CSMD1: variants seen among roughly 807,000 people sequenced by gnomAD.
The protein encoded by CSMD1 is CUB and sushi domain-containing protein 1.
CSMD1 carries 213 observed loss-of-function variants against 417.5 expected under a neutral mutation model. The ratio of observed to expected loss-of-function variants is 0.51; its 90% CI spans 0.46 to 0.57. The LOEUF is 0.57. Ranked by LOEUF, CSMD1 falls within the 20% of genes least tolerant of loss-of-function variation. The pLI is 0.00. For missense variants in CSMD1, 6,923 were observed against 4,529.7 expected, an observed-to-expected ratio of 1.53 and a Z score of -15.17; for synonymous variants, 2,862 against 1,736.8, an observed-to-expected ratio of 1.65 and a Z score of -16.11.
intron 29 of CSMD1, among the ~76,000 whole-genome samples, chr8:3,215,680 C>G (rs538425800): frequency 1.3e-5 from 2 of 152,048 alleles, no homozygotes; most frequent in African/African-American, 2.4e-5. Flanking sequence ...TTCTGGTAGC[C>G]TTAATATTTT....
intron 5 of CSMD1, among the ~76,000 whole-genome samples, chr8:3,919,788 T>G (rs953273628): frequency 6.6e-6 from 1 of 152,128 alleles, no homozygotes; most frequent in Non-Finnish European, 1.5e-5. Flanking sequence ...TTCCATTTGT[T>G]TGTGTTTTCA....
At chr8:2,951,445 A>G (rs1457017888) in intron 65 of CSMD1, among the ~76,000 whole-genome samples, 170 bp from the exon 66 acceptor site, 2 of 152,210 alleles carry the variant, frequency 1.3e-5, no homozygotes, top group African/African-American at 2.4e-5. Context: ...GCAAAACTCA[A>G]AAGAAGCAGG....
chr8:4,947,153 T>A (rs866972735), intron 1 of CSMD1, among the ~76,000 whole-genome samples: 1 of 152,184 alleles, frequency 6.6e-6, no homozygotes, highest in Non-Finnish European at 1.5e-5. Context: ...TAACACAAAT[T>A]CACAACAAAA....
intron 1 of CSMD1, among the ~76,000 whole-genome samples, chr8:4,937,746 A>T (rs1216898439): frequency 6.6e-6 from 1 of 152,002 alleles, no homozygotes; most frequent in Non-Finnish European, 1.5e-5. Context: ...GATAAGTGTG[A>T]TCTGATCTAG....
intron 5 of CSMD1, among the ~76,000 whole-genome samples, chr8:3,872,746 A>C (rs1414443412): frequency 2.0e-5 from 3 of 152,126 alleles, no homozygotes; most frequent in Non-Finnish European, 4.4e-5. Context: ...TAACCTTCAA[A>C]ACCGGAGAAA....
intron 18 of CSMD1, among the ~76,000 whole-genome samples, chr8:3,374,010 T>C (rs1011040786): frequency 6.6e-6 from 1 of 150,560 alleles, no homozygotes; most frequent in African/African-American, 2.4e-5. Flanking sequence ...TGGAGTGCAG[T>C]GGTGAGATCT....
intron 3 of CSMD1, among the ~76,000 whole-genome samples, chr8:4,378,791 G>C (rs1290192582): frequency 6.6e-6 from 1 of 152,164 alleles, no homozygotes; most frequent in African/African-American, 2.4e-5. Context: ...TACTGCCCTT[G>C]TAAGACGTCA....
At chr8:4,850,038 G>A (rs1020070476) in intron 1 of CSMD1, among the ~76,000 whole-genome samples, 3 of 152,110 alleles carry the variant, frequency 2.0e-5, no homozygotes, top group African/African-American at 4.8e-5. Context: ...TGTTACGTAC[G>A]TACTATACTT....
chr8:4,529,873 GT>G lies in CSMD1; in HGVS notation c.302+107468del, dbSNP rs767812787. ...GGTTGCTGCCCATGCTGCTGCCATT[GT>G]TTTTTTTTTTTAAATTTATTTAATT... On this transcript the variant is annotated intron_variant, in intron 2 of 69. Transcript: ENST00000635120. Among the ~76,000 whole-genome samples the G allele has an allele frequency of 5.7e-3, 780 of 136,056 alleles. 6 individuals are homozygous for G. The highest frequency in any genetic ancestry group is 0.019 in the African/African-American group (638 of 33,312). 89.3% of individuals were successfully genotyped at this position (136,056 alleles called of 152,430 possible). A position where few individuals can be genotyped will look rare whatever the true frequency, so the allele number is the denominator to read the frequency against.
chr8:4,425,879 C>T (rs146661879), intron 2 of CSMD1, among the ~76,000 whole-genome samples: 5 of 151,938 alleles, frequency 3.3e-5, no homozygotes, highest in Non-Finnish European at 7.4e-5. Context: ...AATATTTCAA[C>T]AAAATATGAC....
chr8:4,777,694 T>C (rs1368184074), intron 1 of CSMD1, among the ~76,000 whole-genome samples: 1 of 152,172 alleles, frequency 6.6e-6, no homozygotes, highest in Non-Finnish European at 1.5e-5. Flanking sequence ...AAAACAATGG[T>C]GAAACTGCAA....
intron 5 of CSMD1, among the ~76,000 whole-genome samples, chr8:3,795,815 T>A (rs1295879795): frequency 1.9e-5 from 1 of 52,450 alleles, no homozygotes; most frequent in African/African-American, 8.6e-5. Flanking sequence ...CATGTACAGA[T>A]ATAGATATAT....
At chr8:3,215,659 T>C (rs1164737238) in intron 29 of CSMD1, among the ~76,000 whole-genome samples, 1 of 152,222 alleles carries the variant, frequency 6.6e-6, no homozygotes, top group Non-Finnish European at 1.5e-5. Context: ...CTGCAGTCAA[T>C]TTCAGTTATC....
At chr8:3,177,197 A>G (rs1379157661) in intron 37 of CSMD1, among the ~76,000 whole-genome samples, 2 of 152,126 alleles carry the variant, frequency 1.3e-5, no homozygotes, top group African/African-American at 4.8e-5. Flanking sequence ...ATAAACACCA[A>G]CTGTCGCAAG....
At chr8:3,503,946 G>C (rs923304323) in intron 10 of CSMD1, among the ~76,000 whole-genome samples, 6 of 152,150 alleles carry the variant, frequency 3.9e-5, no homozygotes, top group African/African-American at 1.2e-4. Context: ...GGAGGCGGGG[G>C]TTAGGGCGTG....
intron 1 of CSMD1, among the ~76,000 whole-genome samples, chr8:4,850,380 ATCT>A (rs1801395293): frequency 1.2e-5 from 1 of 82,770 alleles, no homozygotes; most frequent in Non-Finnish European, 2.3e-5. Context: ...AATCCAATTT[ATCT>A]TTTTTTTTTT....
chr8:3,479,499 T>G (rs1019049060), intron 11 of CSMD1, among the ~76,000 whole-genome samples: 1 of 152,160 alleles, frequency 6.6e-6, no homozygotes, highest in Non-Finnish European at 1.5e-5. Context: ...ATGCTAGTCT[T>G]GAACTCCCGA....
chr8:3,353,302 T>A (rs1808535533), intron 21 of CSMD1, among the ~76,000 whole-genome samples: 1 of 152,188 alleles, frequency 6.6e-6, no homozygotes. Flanking sequence ...CTGACTTAAT[T>A]CCGTTTTCAA....
chr8:4,898,462 G>T (rs1004171146), intron 1 of CSMD1, among the ~76,000 whole-genome samples: 1 of 151,590 alleles, frequency 6.6e-6, no homozygotes, highest in African/African-American at 2.4e-5. Flanking sequence ...GAAAGTGTAA[G>T]TGAGAGCCGA....
Sources: allele counts gnomAD v4.1 joint callset (sites outside exome capture counted in the v4.1 genomes callset), GRCh38; gene constraint gnomAD v4.1.1; transcripts MANE v1.5; gene names NCBI Gene and HGNC (gene_info 2026-07-23, HGNC 2026-07-21).